EPRS1: variants seen among roughly 807,000 people sequenced by gnomAD.
EPRS1 encodes the protein glutamyl-prolyl-tRNA synthetase 1, also known as bifunctional glutamate/proline--tRNA ligase.
EPRS1 carries 107 observed loss-of-function variants against 188.3 expected under a neutral mutation model. The observed-to-expected ratio is 0.57, with a 90% confidence interval of 0.49 to 0.67. EPRS1 has a LOEUF of 0.67. Among genes scored for constraint, EPRS1 ranks in the 30% least tolerant of loss-of-function variants. EPRS1 has a pLI of 0.00. For missense variants in EPRS1, 1,577 were observed against 1,802.2 expected, an observed-to-expected ratio of 0.88 and a Z score of 2.26; for synonymous variants, 596 against 593.1, an observed-to-expected ratio of 1.00 and a Z score of -0.07.
At chr1:219,973,949 T>G (rs1280752498) in intron 28 of EPRS1, among the ~76,000 whole-genome samples, 1 of 152,156 alleles carries the variant, frequency 6.6e-6, no homozygotes, top group Admixed American at 6.5e-5. Context: ...GAATTTGTTT[T>G]TTTTTGTTTG....
intron 20 of EPRS1, 130 bp downstream of exon 20, chr1:219,987,012 G>T: frequency 2.2e-6 from 2 of 929,604 alleles, no homozygotes; most frequent in South Asian, 1.7e-5. Flanking sequence ...AATGCTATCT[G>T]CTGACATTGT....
intron 18 of EPRS1, among the ~76,000 whole-genome samples, chr1:219,990,200 A>G (rs749218746): frequency 2.6e-5 from 4 of 151,644 alleles, no homozygotes; most frequent in Admixed American, 2.0e-4. Flanking sequence ...TGAGCAAACC[A>G]CTCTGTTATT....
intron 1 of EPRS1, among the ~76,000 whole-genome samples, chr1:220,044,681 C>CAACAAAAAAAA (rs1662364927): frequency 1.1e-5 from 1 of 88,330 alleles, no homozygotes; most frequent in African/African-American, 4.2e-5. Context: ...GCTCGGTCTC[C>CAACAAAAAAAA]AAAAAAAAAA....
In EPRS1 at chr1:220,007,258, C is replaced by A. The variant is rs777950333; in HGVS notation, c.1686G>T (p.Glu562Asp). The A allele has an allele frequency of 1.2e-6, 2 of 1,613,910 alleles. No individual in the cohort carries two copies. The highest frequency in any genetic ancestry group is 2.2e-5 in the South Asian group (2 of 91,074). The stretch of plus-strand genomic sequence containing the variant: ...AATTTATAAATGTAACCATCTCACC[C>A]TCCGAAAAAGTCTCTGCATCAGCAC... Reference protein sequence around the residue: ...IEGADAETFSEGEMVTFINWG... With the variant: ...IEGADAETFSDGEMVTFINWG... Residue 562 changes from glutamate to aspartate, a missense_variant, in exon 14 of 32, where the codon GAG becomes GAT. Coordinates refer to ENST00000366923, the MANE Select transcript of EPRS1 (RefSeq NM_004446.3).
At chr1:219,993,724 A>G (rs1571667702) in intron 18 of EPRS1, among the ~76,000 whole-genome samples, 1 of 152,236 alleles carries the variant, frequency 6.6e-6, no homozygotes, top group African/African-American at 2.4e-5. Flanking sequence ...TAGTAAAACT[A>G]TAACTCTCTA....
At chr1:220,000,906 G>A (rs935517157) in intron 17 of EPRS1, among the ~76,000 whole-genome samples, 2 of 152,110 alleles carry the variant, frequency 1.3e-5, no homozygotes, top group African/African-American at 4.8e-5. Flanking sequence ...GCTTGAACCC[G>A]GGAGGCGGAG....
In EPRS1 at chr1:220,008,697, T is replaced by A. The variant is rs558964912; in HGVS notation, c.1606-1359A>T. Among the ~76,000 whole-genome samples, 76 of 152,316 alleles carry A rather than the reference T, an allele frequency of 5.0e-4. 3 individuals are homozygous for A. The South Asian group carries it at 0.015, about 30-fold the overall frequency. The stretch of plus-strand genomic sequence containing the variant: ...AGCAGTACTTAGTAATTTAATTTTT[T>A]AAATTTTATTTGAGGTAGGGCTTTG... On this transcript the variant is annotated intron_variant, in intron 13 of 31. Transcript: ENST00000366923.
At chr1:220,039,264 C>T (rs1051192068) in intron 2 of EPRS1, among the ~76,000 whole-genome samples, 3 of 152,072 alleles carry the variant, frequency 2.0e-5, no homozygotes, top group African/African-American at 7.2e-5. Context: ...CCAAGGGATC[C>T]CATTAAACCA....
Position 219,973,302 on chromosome 1 carries a change from C to G in EPRS1, c.4180G>C (p.Glu1394Gln), listed in dbSNP as rs1264998330. The stretch of plus-strand genomic sequence containing the variant: ...TGAAGTTTAGTCTCTGCCTCATTTT[C>G]AGCAACTGTCAGCTTTTCTCCAGTA... The part of the protein sequence containing the change: ...RDTGEKLTVA[E>Q]NEAETKLQAI... The change falls in exon 29 of 32, where the codon GAA becomes CAA. Residue 1394 changes from glutamate (E) to glutamine (Q), a missense_variant. Glu to Gln is a conservative substitution (Grantham distance 29). Coordinates refer to ENST00000366923, the MANE Select transcript of EPRS1 (RefSeq NM_004446.3). 1 of 1,612,472 alleles carries G rather than the reference C, an allele frequency of 6.2e-7. No individual in the cohort carries two copies. The highest frequency in any genetic ancestry group is 1.6e-4 in the Middle Eastern group (1 of 6,062).
chr1:219,999,735 A>C (rs908276758), intron 17 of EPRS1, among the ~76,000 whole-genome samples: 5 of 152,178 alleles, frequency 3.3e-5, no homozygotes, highest in African/African-American at 1.2e-4. Context: ...GTACTTTGGG[A>C]GGCCGAGGTG....
chr1:220,026,877 A>T (rs1009496496), intron 6 of EPRS1, among the ~76,000 whole-genome samples: 1 of 151,782 alleles, frequency 6.6e-6, no homozygotes, highest in Non-Finnish European at 1.5e-5. Context: ...AGTTTATGAA[A>T]TTATATTATT....
At chr1:220,014,311 G>C (rs1273649781) in intron 12 of EPRS1, among the ~76,000 whole-genome samples, 1 of 141,892 alleles carries the variant, frequency 7.0e-6, no homozygotes, top group Non-Finnish European at 1.5e-5. Context: ...CTGGGTGACA[G>C]AGCGAGACTC....
intron 17 of EPRS1, among the ~76,000 whole-genome samples, chr1:219,999,530 T>C (rs982282615): frequency 6.6e-6 from 1 of 152,188 alleles, no homozygotes; most frequent in Non-Finnish European, 1.5e-5. Flanking sequence ...ACACTCACTT[T>C]TGGAGGCCTT....
At chr1:219,992,402 A>G (rs1457071256) in intron 18 of EPRS1, among the ~76,000 whole-genome samples, 12 of 152,234 alleles carry the variant, frequency 7.9e-5, no homozygotes, top group Non-Finnish European at 1.8e-4. Context: ...AATTATTTTT[A>G]TTTAATAATC....
At chr1:219,999,846 C>T (rs781040034) in intron 17 of EPRS1, among the ~76,000 whole-genome samples, 3 of 152,048 alleles carry the variant, frequency 2.0e-5, no homozygotes, top group South Asian at 2.1e-4. Context: ...CATGGTGGTG[C>T]GTGACTTTAG....
At chr1:219,986,779 A>ATGTG (rs777807074) in intron 20 of EPRS1, among the ~76,000 whole-genome samples, 141 of 81,828 alleles carry the variant, frequency 1.7e-3, no homozygotes, top group African/African-American at 5.7e-3. Flanking sequence ...GAGAGAAAAT[A>ATGTG]TGTATGTGTG....
chr1:219,989,472 T>C (rs1189296973), intron 18 of EPRS1, among the ~76,000 whole-genome samples: 1 of 150,264 alleles, frequency 6.7e-6, no homozygotes, highest in Non-Finnish European at 1.5e-5. Flanking sequence ...TTACCTGAAA[T>C]GGTGCTACTA....
At chr1:220,002,549 A>G (rs1661380223) in intron 16 of EPRS1, among the ~76,000 whole-genome samples, 1 of 152,124 alleles carries the variant, frequency 6.6e-6, no homozygotes, top group Admixed American at 6.5e-5. Context: ...AAATTTCTGT[A>G]AAACATTTAT....
Position 219,997,072 on chromosome 1 carries a change from C to T in EPRS1, c.2452G>A (p.Ala818Thr). ...IGQNISSNSS[A>T]SILESKSLYD... ...AGAGATTTACTTTCCAGAATACTTG[C>T]TGAGGAATTAGAAGAAATATTCTGT... Residue 818 changes from alanine (A) to threonine (T), a missense_variant, in exon 18 of 32, where the codon GCA becomes ACA. Transcript: ENST00000366923. The T allele has an allele frequency of 3.7e-6, 6 of 1,613,982 alleles. No individual in the cohort carries two copies. Among genetic ancestry groups the T allele is most frequent in the Non-Finnish European group, 5.1e-6 (6 of 1,179,934 alleles).
Sources: allele counts gnomAD v4.1 joint callset (sites outside exome capture counted in the v4.1 genomes callset), GRCh38; gene constraint gnomAD v4.1.1; transcripts MANE v1.5; gene names NCBI Gene and HGNC (gene_info 2026-07-23, HGNC 2026-07-21).